Variants in OSBPL2 observed in about 807,000 individuals in gnomAD.
OSBPL2 encodes oxysterol-binding protein-related protein 2.
Under a neutral mutation model 58.4 loss-of-function variants are expected in OSBPL2, and 18 were observed. The observed-to-expected ratio is 0.31, with a 90% CI of 0.21 to 0.46. The LOEUF (loss-of-function observed/expected upper bound fraction) is 0.46, where lower values mean the gene tolerates loss of function less well. Ranked by LOEUF, OSBPL2 falls within the 20% of genes least tolerant of loss-of-function variation. The pLI is 1.00. For missense variants in OSBPL2, 461 were observed against 616.5 expected (o/e 0.75, Z 2.67); for synonymous variants, 221 against 234.1 (o/e 0.94, Z 0.51).
intron 1 of OSBPL2, among the ~76,000 whole-genome samples, chr20:62,250,926 A>AAAATAAAT (rs545446686): frequency 2.0e-5 from 3 of 152,238 alleles, no homozygotes; most frequent in Non-Finnish European, 4.4e-5. Flanking sequence ...CCTGTCTCCA[A>AAAATAAAT]AAATAAATAA....
intron 1 of OSBPL2, 21 bp from the exon 2 acceptor site, chr20:62,256,036 C>A: frequency 1.2e-6 from 1 of 808,272 alleles, no homozygotes; most frequent in Non-Finnish European, 1.9e-6. Flanking sequence ...GCTAAGTATG[C>A]CAAAATTTTT....
intron 11 of OSBPL2, among the ~76,000 whole-genome samples, chr20:62,287,800 C>T (rs1045263788): frequency 4.4e-4 from 67 of 152,244 alleles, no homozygotes; most frequent in African/African-American, 1.5e-3. Flanking sequence ...AGGAAAATTG[C>T]GTATGTTTTT....
At chr20:62,257,775 C>T (rs1981026024) in intron 2 of OSBPL2, among the ~76,000 whole-genome samples, 2 of 149,708 alleles carry the variant, frequency 1.3e-5, no homozygotes. Flanking sequence ...AGTGCAGTGG[C>T]GTGATCTCAG....
intron 1 of OSBPL2, among the ~76,000 whole-genome samples, chr20:62,249,521 A>G (rs550355268): frequency 6.6e-6 from 1 of 152,328 alleles, no homozygotes; most frequent in African/African-American, 2.4e-5. Context: ...CTCAACTTTG[A>G]TACTCAATTA....
At chr20:62,256,256 G>T in intron 2 of OSBPL2, 35 bp downstream of exon 2, 1 of 1,589,022 alleles carries the variant, frequency 6.3e-7, no homozygotes, top group Non-Finnish European at 8.6e-7. Context: ...GGACGTACTG[G>T]AAGGGTGAAC....
At chr20:62,256,888 G>C (rs1045536323) in intron 2 of OSBPL2, among the ~76,000 whole-genome samples, 2 of 152,214 alleles carry the variant, frequency 1.3e-5, no homozygotes, top group Non-Finnish European at 2.9e-5. Flanking sequence ...TGTCTTGTCA[G>C]GTCCTCATGT....
chr20:62,274,210 A>G (rs1003317822), intron 6 of OSBPL2, among the ~76,000 whole-genome samples: 2 of 152,220 alleles, frequency 1.3e-5, no homozygotes, highest in Admixed American at 1.3e-4. Context: ...GGTTATTCAC[A>G]GAATCATCCT....
intron 8 of OSBPL2, 186 bp from the exon 9 acceptor site, chr20:62,281,604 C>T (rs893694078): frequency 5.4e-6 from 3 of 556,960 alleles, no homozygotes; most frequent in Non-Finnish European, 9.7e-6. Context: ...AGTAAATTGA[C>T]CGAATCATGG....
chr20:62,281,901 A>C lies in OSBPL2; in HGVS notation c.872+22A>C, dbSNP rs771115690. The C allele has an allele frequency of 4.0e-6, 6 of 1,517,030 alleles. No homozygotes were observed. The South Asian group carries it at 6.7e-5, about 17-fold the overall frequency. The allele number at this position is 1,517,030 out of a possible 1,614,324, so 94.0% of individuals were successfully genotyped here. Reference sequence around the variant, plus strand: ...AAAAGTAGGTCCTTGCCAAGTGTTCATGGGGCACCACTACAGCCTGTGTGT... The same window carrying C: ...AAAAGTAGGTCCTTGCCAAGTGTTCCTGGGGCACCACTACAGCCTGTGTGT... On this transcript the variant is annotated intron_variant, in intron 9 of 13. Transcript: ENST00000313733.
rs1351969618 is a variant in OSBPL2 at position 62,286,720 on chromosome 20, C to T, written c.1125+9C>T. The T allele has an allele frequency of 6.2e-7, 1 of 1,605,844 alleles. No homozygotes were observed. Among genetic ancestry groups the T allele is most frequent in the African/African-American group, 1.3e-5 (1 of 74,786 alleles). On this transcript the variant is annotated intron_variant, in intron 11 of 13. Coordinates refer to ENST00000313733, the MANE Select transcript of OSBPL2 (RefSeq NM_144498.4). Reference sequence around the variant, plus strand: ...CCCCCAACTCTGCCCAGGTCTGTGTCCCTCCATGGCCTGACGTCTCTGCCT... The same window carrying T: ...CCCCCAACTCTGCCCAGGTCTGTGTTCCTCCATGGCCTGACGTCTCTGCCT...
rs1983327057 is a variant in OSBPL2, at chr20:62,289,151, A to G, written c.1126-56A>G. On this transcript the variant is annotated intron_variant, in intron 11 of 13. Transcript: ENST00000313733. The stretch of plus-strand genomic sequence containing the variant: ...AGGGGCCCACTGGGGGTCTTGGAGC[A>G]TAGTCCATGGTTCAGAGGCCCTGCT... 7 of 1,594,090 alleles carry G rather than the reference A, an allele frequency of 4.4e-6. No homozygotes were observed. The Admixed American group carries it at 1.2e-4, about 27-fold the overall frequency.
intron 5 of OSBPL2, among the ~76,000 whole-genome samples, 195 bp downstream of exon 5, chr20:62,272,454 G>A (rs1331964632): frequency 3.3e-5 from 5 of 152,184 alleles, no homozygotes; most frequent in Non-Finnish European, 7.3e-5. Context: ...TGCCGGAAAT[G>A]CCATTGAGCT....
Position 62,279,338 on chromosome 20 carries a change from A to G in OSBPL2, c.673A>G (p.Lys225Glu). ...PRGTITLELL[K>E]HNEAYTWTNP... ...AGGCACCATCACCCTGGAGCTGCTCAAGTGAGTGTCGGTGCGTCCTGCTGA... is the reference window on the plus strand; with the variant it reads ...AGGCACCATCACCCTGGAGCTGCTCGAGTGAGTGTCGGTGCGTCCTGCTGA... The change falls in exon 7 of 14, where the codon AAA becomes GAA. Residue 225 changes from lysine to glutamate, a missense_variant and splice_region_variant. Lys to Glu is a moderately conservative substitution (Grantham distance 56, BLOSUM62 1). Transcript: ENST00000313733. 6.2e-7 allele frequency: 1 copy of G among 1,614,090 alleles called. No homozygotes were observed. Among genetic ancestry groups the G allele is most frequent in the South Asian group, 1.1e-5 (1 of 91,062 alleles).
chr20:62,255,144 C>G (rs1426547511), intron 1 of OSBPL2: 1 of 148,848 alleles, frequency 6.7e-6, no homozygotes, highest in Admixed American at 6.8e-5. Flanking sequence ...GTCGCCCAGG[C>G]TGGAGTGCAG....
At chr20:62,280,609 C>G (rs982032014) in intron 7 of OSBPL2, among the ~76,000 whole-genome samples, 12 of 152,152 alleles carry the variant, frequency 7.9e-5, no homozygotes, top group Non-Finnish European at 1.2e-4. Context: ...TTGGGCAGGG[C>G]CATTTGGGAG....
chr20:62,276,015 TCTC>T (rs1982369316), intron 6 of OSBPL2, among the ~76,000 whole-genome samples: 1 of 151,710 alleles, frequency 6.6e-6, no homozygotes, highest in Non-Finnish European at 1.5e-5. Context: ...TTCAAGCAAT[TCTC>T]CTGATTCTCC....
chr20:62,273,986 T>C (rs550967376), intron 6 of OSBPL2, among the ~76,000 whole-genome samples: 4 of 152,144 alleles, frequency 2.6e-5, no homozygotes, highest in African/African-American at 9.7e-5. Context: ...TATGGAACTT[T>C]CTTCTAGGCA....
chr20:62,261,692 C>G (rs1333235181), intron 3 of OSBPL2, among the ~76,000 whole-genome samples: 1 of 152,224 alleles, frequency 6.6e-6, no homozygotes, highest in Non-Finnish European at 1.5e-5. Flanking sequence ...GTCTACCCAA[C>G]CACCCTTGTT....
chr20:62,279,954 T>G (rs1379196065), intron 7 of OSBPL2: 1 of 1,303,778 alleles, frequency 7.7e-7, no homozygotes, highest in Non-Finnish European at 1.0e-6. Context: ...GGGGACCCTC[T>G]GAGAGGCTGC....
Sources: gnomAD v4.1 joint callset for allele counts (sites outside exome capture counted in the v4.1 genomes callset) on GRCh38, gnomAD v4.1.1 for gene constraint, MANE v1.5 for transcripts, NCBI Gene and HGNC (gene_info 2026-07-23, HGNC 2026-07-21) for gene names.